Variants in SLC7A1 observed in about 807,000 individuals in gnomAD.
SLC7A1 encodes the protein solute carrier family 7 member 1.
Under a neutral mutation model 53.9 loss-of-function variants are expected in SLC7A1, and 10 were observed. The ratio of observed to expected loss-of-function variants is 0.19; its 90% confidence interval spans 0.11 to 0.31. The LOEUF (loss-of-function observed/expected upper bound fraction) is 0.31, where lower values mean the gene tolerates loss of function less well. SLC7A1 is among the 10% of genes least tolerant of loss of function. SLC7A1 has a pLI of 1.00. For synonymous variants in SLC7A1, 342 were observed against 338.7 expected (o/e 1.01, Z -0.11); for missense variants, 525 against 827.2 (o/e 0.63, Z 4.48).
At chr13:29,562,996 CCTT>C (rs916848462) in intron 1 of SLC7A1, among the ~76,000 whole-genome samples, 2 of 152,232 alleles carry the variant, frequency 1.3e-5, no homozygotes. Context: ...GCTACAAACT[CCTT>C]CTGTGCTGTG....
At chr13:29,557,242 G>A (rs1000749307) in intron 1 of SLC7A1, among the ~76,000 whole-genome samples, 3 of 152,158 alleles carry the variant, frequency 2.0e-5, no homozygotes, top group Non-Finnish European at 4.4e-5. Flanking sequence ...GGCTTCCAGG[G>A]GTACGTGGGG....
chr13:29,580,028 G>T (rs1203847867), intron 1 of SLC7A1, among the ~76,000 whole-genome samples: 1 of 152,082 alleles, frequency 6.6e-6, no homozygotes, highest in African/African-American at 2.4e-5. Context: ...GCTCTTTGGC[G>T]GATCCATAAT....
intron 5 of SLC7A1, among the ~76,000 whole-genome samples, chr13:29,527,067 C>T (rs1469290083): frequency 1.2e-5 from 1 of 81,032 alleles, no homozygotes; most frequent in Non-Finnish European, 3.3e-5. Flanking sequence ...GAACAAGGGC[C>T]TGATTAAAAA....
At chr13:29,527,099 G>A (rs60206951) in intron 5 of SLC7A1, among the ~76,000 whole-genome samples, 10,515 of 151,158 alleles carry the variant, frequency 0.07, 1,245 homozygotes, top group African/African-American at 0.24. Flanking sequence ...AATCTGCAGG[G>A]CATGCTAGTA....
chr13:29,520,551 T>G (rs764910503), intron 8 of SLC7A1, among the ~76,000 whole-genome samples: 4 of 152,254 alleles, frequency 2.6e-5, no homozygotes, highest in Non-Finnish European at 5.9e-5. Flanking sequence ...ACATCTTTTG[T>G]GAGCGTTGTG....
At position 29,532,716 on chromosome 13, in the gene SLC7A1, T is replaced by C. The variant is rs1869221006; in HGVS notation, c.529+108A>G. 8 of 985,438 alleles carry C rather than the reference T, an allele frequency of 8.1e-6. No homozygotes were observed. In the East Asian group the frequency reaches 1.8e-4, roughly 22 times the overall value. 61.0% of individuals were successfully genotyped at this position (985,438 alleles called of 1,614,324 possible). On this transcript the variant is annotated intron_variant, in intron 4 of 12. Transcript: ENST00000380752. ...AGTACAAAAACAAAACAAAAAGAAA[T>C]GGGGGTTATGGTTAAAGAGATAAGT...
chr13:29,560,708 T>C (rs1255604499), intron 1 of SLC7A1, among the ~76,000 whole-genome samples: 2 of 152,060 alleles, frequency 1.3e-5, no homozygotes, highest in Non-Finnish European at 2.9e-5. Flanking sequence ...AAGACATCAA[T>C]AAGCAACAGG....
rs540453876 is a variant in SLC7A1, at chr13:29,532,151, C to T, written c.529+673G>A. ...TTAAAACTCATCCAAGATTTTCTAA[C>T]CCCAAATGAGAATTTATCTGCATTT... On this transcript the variant is annotated intron_variant, in intron 4 of 12. Coordinates refer to ENST00000380752, the MANE Select transcript of SLC7A1 (RefSeq NM_003045.5). Among the ~76,000 whole-genome samples, 180 of 152,288 alleles carry T rather than the reference C, an allele frequency of 1.2e-3. 1 individual carries two copies. The highest frequency in any genetic ancestry group is 4.1e-3 in the African/African-American group (169 of 41,554).
rs750844620 is a variant in SLC7A1, at chr13:29,514,479, G to A, written c.*1C>T. The A allele has an allele frequency of 4.2e-5, 68 of 1,606,700 alleles. No individual in the cohort carries two copies. The highest frequency in any genetic ancestry group is 1.7e-4 in the Middle Eastern group (1 of 6,058). ...CCACCTCCGGGGGGCGGGGCTGTGCGTCACTTGCACTGGTCCAAGTTGCCG... is the reference window on the plus strand; with the variant it reads ...CCACCTCCGGGGGGCGGGGCTGTGCATCACTTGCACTGGTCCAAGTTGCCG... On this transcript the variant is annotated 3_prime_UTR_variant, in exon 13 of 13. Coordinates refer to ENST00000380752, the MANE Select transcript of SLC7A1 (RefSeq NM_003045.5).
intron 8 of SLC7A1, among the ~76,000 whole-genome samples, chr13:29,520,900 A>C (rs919326445): frequency 1.3e-5 from 2 of 152,224 alleles, no homozygotes; most frequent in African/African-American, 4.8e-5. Flanking sequence ...GATTTTAGAA[A>C]ACCAAATACT....
At chr13:29,574,060 G>C (rs1871308014) in intron 1 of SLC7A1, among the ~76,000 whole-genome samples, 1 of 152,208 alleles carries the variant, frequency 6.6e-6, no homozygotes, top group Non-Finnish European at 1.5e-5. Context: ...ATGGCCAATC[G>C]TATTAAATGT....
At chr13:29,577,440 G>C (rs9314962) in intron 1 of SLC7A1, among the ~76,000 whole-genome samples, 9,992 of 152,342 alleles carry the variant, frequency 0.066, 410 homozygotes, top group Middle Eastern at 0.16. Flanking sequence ...TGGATGCCCA[G>C]TGTAGGAGAA....
chr13:29,522,244 G>T, intron 8 of SLC7A1, 73 bp downstream of exon 8: 2 of 1,483,352 alleles, frequency 1.3e-6, no homozygotes, highest in Non-Finnish European at 1.9e-6. Context: ...CCAGAACTGC[G>T]CAAGACGTCT....
intron 1 of SLC7A1, among the ~76,000 whole-genome samples, chr13:29,554,122 A>C (rs139530906): frequency 3.0e-4 from 45 of 152,304 alleles, no homozygotes; most frequent in African/African-American, 9.1e-4. Context: ...ACTGACTCTC[A>C]TATTTCAAAG....
intron 7 of SLC7A1, among the ~76,000 whole-genome samples, 172 bp from the exon 8 acceptor site, chr13:29,522,628 T>C (rs1868680741): frequency 1.3e-5 from 2 of 152,178 alleles, no homozygotes; most frequent in Admixed American, 1.3e-4. Flanking sequence ...ATTTAATAAA[T>C]CAATCCCAGA....
At chr13:29,555,997 C>G (rs1870422425) in intron 1 of SLC7A1, among the ~76,000 whole-genome samples, 1 of 152,186 alleles carries the variant, frequency 6.6e-6, no homozygotes, top group Non-Finnish European at 1.5e-5. Context: ...GCTTCAGATT[C>G]CACAGCGGAA....
chr13:29,588,259 C>T (rs1475961801), intron 1 of SLC7A1, among the ~76,000 whole-genome samples: 1 of 152,106 alleles, frequency 6.6e-6, no homozygotes, highest in East Asian at 1.9e-4. Context: ...TGCTATTGTA[C>T]CATGGTTATG....
intron 2 of SLC7A1, among the ~76,000 whole-genome samples, chr13:29,545,676 C>G (rs1869888543): frequency 6.6e-6 from 1 of 152,182 alleles, no homozygotes; most frequent in Non-Finnish European, 1.5e-5. Flanking sequence ...CTCACAGAAG[C>G]AGAGGGCAGA....
chr13:29,539,298 C>T (rs902117673), intron 2 of SLC7A1, among the ~76,000 whole-genome samples: 7 of 152,270 alleles, frequency 4.6e-5, no homozygotes, highest in Admixed American at 4.6e-4. Flanking sequence ...AGTTCTGGGC[C>T]TCTGTAGAAC....
Sources: gnomAD v4.1 joint callset for allele counts (sites outside exome capture counted in the v4.1 genomes callset) on GRCh38, gnomAD v4.1.1 for gene constraint, MANE v1.5 for transcripts, NCBI Gene and HGNC (gene_info 2026-07-23, HGNC 2026-07-21) for gene names.